Variants in ARNT2 observed in about 807,000 individuals in gnomAD.
ARNT2 encodes the protein ARNT protein 2.
A neutral mutation model predicts 91.7 loss-of-function variants in ARNT2; 36 were observed. The observed-to-expected ratio is 0.39, with a 90% confidence interval of 0.30 to 0.52. The LOEUF (loss-of-function observed/expected upper bound fraction) is 0.52. Among genes scored for constraint, ARNT2 ranks in the 20% least tolerant of loss-of-function variants. The pLI, the probability that ARNT2 is intolerant of heterozygous loss-of-function variation, is 0.72. For missense variants in ARNT2, 775 were observed against 939.3 expected (o/e 0.83, Z 2.29); for synonymous variants, 365 against 347.1 (o/e 1.05, Z -0.57).
chr15:80,572,989 T>A (rs1222565579), intron 12 of ARNT2, among the ~76,000 whole-genome samples: 2 of 152,218 alleles, frequency 1.3e-5, no homozygotes, highest in African/African-American at 4.8e-5. Context: ...TAGCTCTTAC[T>A]TCCTTCCACT....
At chr15:80,554,899 ACGGCTCC>A (rs1243751326) in intron 10 of ARNT2, 159 bp from the exon 11 acceptor site, 4 of 602,408 alleles carry the variant, frequency 6.6e-6, no homozygotes, top group Non-Finnish European at 1.2e-5. Flanking sequence ...CAGTTCTCTG[ACGGCTCC>A]CAGGGAAATT....
intron 17 of ARNT2, among the ~76,000 whole-genome samples, chr15:80,582,384 T>C (rs969421430): frequency 1.3e-5 from 2 of 150,944 alleles, no homozygotes; most frequent in Admixed American, 6.6e-5. Context: ...TAATTCCAGC[T>C]ACTCAGGAGG....
intron 3 of ARNT2, among the ~76,000 whole-genome samples, chr15:80,460,433 ACCTCAGGTG>A (rs1896535941): frequency 6.6e-6 from 1 of 152,042 alleles, no homozygotes. Flanking sequence ...CTGCTGTGTG[ACCTCAGGTG>A]CACACACAAG....
intron 5 of ARNT2, among the ~76,000 whole-genome samples, chr15:80,479,035 G>A (rs1896847660): frequency 6.6e-6 from 1 of 152,202 alleles, no homozygotes; most frequent in South Asian, 2.1e-4. Context: ...AACTAGGGCA[G>A]CCTGACCTCC....
In ARNT2 at chr15:80,588,183, A is replaced by G. The variant is rs199876537; in HGVS notation, c.1919-3385A>G. 7.9e-5 allele frequency among the ~76,000 whole-genome samples: 12 copies of G among 152,196 alleles called. No homozygotes were observed. In the East Asian group the frequency reaches 1.5e-3, roughly 20 times the overall value. ...AGCCTGTCAATACCACCAGAAGTGC[A>G]AGTTTATCATCCCTAGCTCTTCCCA... On this transcript the variant is annotated intron_variant, in intron 17 of 18. Transcript: ENST00000303329.
chr15:80,457,863 A>G (rs1896501708), intron 2 of ARNT2, 66 bp from the exon 3 acceptor site: 1 of 1,560,814 alleles, frequency 6.4e-7, no homozygotes, highest in Non-Finnish European at 8.8e-7. Context: ...TTGTTCCAGC[A>G]GCTCCTGTTA....
At chr15:80,577,109 G>C in intron 15 of ARNT2, 144 bp downstream of exon 15, 1 of 758,038 alleles carries the variant, frequency 1.3e-6, no homozygotes, top group Non-Finnish European at 2.1e-6. Flanking sequence ...GAGGATTCTG[G>C]TGGCTCTGCT....
chr15:80,574,940 T>C, intron 13 of ARNT2, 47 bp from the exon 14 acceptor site: 1 of 1,602,712 alleles, frequency 6.2e-7, no homozygotes, highest in Non-Finnish European at 8.5e-7. Flanking sequence ...GCATGTTCTG[T>C]GCCTTACGCA....
chr15:80,480,632 G>T (rs980743987), intron 5 of ARNT2, among the ~76,000 whole-genome samples: 1 of 152,126 alleles, frequency 6.6e-6, no homozygotes, highest in Non-Finnish European at 1.5e-5. Context: ...GACTCTTCCT[G>T]CATTCAGAGA....
chr15:80,413,353 C>T (rs1279525221), intron 1 of ARNT2, among the ~76,000 whole-genome samples: 1 of 152,182 alleles, frequency 6.6e-6, no homozygotes, highest in East Asian at 1.9e-4. Flanking sequence ...ATTGTCCACA[C>T]ATCCTCCTAG....
chr15:80,457,053 T>C (rs1175437741), intron 2 of ARNT2, among the ~76,000 whole-genome samples: 2 of 152,218 alleles, frequency 1.3e-5, no homozygotes, highest in Non-Finnish European at 2.9e-5. Flanking sequence ...TTTCATTTTG[T>C]TTCCCCAAGG....
intron 2 of ARNT2, among the ~76,000 whole-genome samples, chr15:80,454,894 G>A (rs1473789197): frequency 6.6e-6 from 1 of 152,198 alleles, no homozygotes; most frequent in Non-Finnish European, 1.5e-5. Flanking sequence ...CGACGGAAAA[G>A]TACAGTAAAA....
intron 3 of ARNT2, among the ~76,000 whole-genome samples, chr15:80,458,735 C>T (rs1299547877): frequency 6.6e-6 from 1 of 151,798 alleles, no homozygotes; most frequent in Non-Finnish European, 1.5e-5. Context: ...AGGCACAAAT[C>T]ATTCCATCAT....
At chr15:80,413,385 C>G (rs1895716968) in intron 1 of ARNT2, among the ~76,000 whole-genome samples, 1 of 152,236 alleles carries the variant, frequency 6.6e-6, no homozygotes. Flanking sequence ...ACACTTCCAA[C>G]CAGACCACCT....
At chr15:80,426,672 T>C (rs570219804) in intron 1 of ARNT2, among the ~76,000 whole-genome samples, 1 of 152,212 alleles carries the variant, frequency 6.6e-6, no homozygotes, top group Non-Finnish European at 1.5e-5. Flanking sequence ...TTATCTTGTT[T>C]AGAGCAACCC....
intron 10 of ARNT2, 95 bp downstream of exon 10, chr15:80,552,869 G>A: frequency 6.1e-6 from 9 of 1,472,806 alleles, no homozygotes; most frequent in African/African-American, 1.4e-5. Context: ...CAATGGCCAT[G>A]TGGAGAAACA....
At chr15:80,449,567 T>G (rs1896357198) in intron 1 of ARNT2, among the ~76,000 whole-genome samples, 2 of 152,174 alleles carry the variant, frequency 1.3e-5, no homozygotes, top group Non-Finnish European at 2.9e-5. Context: ...AAAACAAAAG[T>G]GTAATCATTC....
chr15:80,431,923 T>C (rs1482274689), intron 1 of ARNT2, among the ~76,000 whole-genome samples: 1 of 152,288 alleles, frequency 6.6e-6, no homozygotes, highest in Non-Finnish European at 1.5e-5. Flanking sequence ...AGTAGCTCTC[T>C]GAAGCAACCG....
intron 1 of ARNT2, among the ~76,000 whole-genome samples, chr15:80,437,769 C>T (rs190258491): frequency 5.3e-5 from 8 of 152,132 alleles, no homozygotes. Context: ...CACTTACCTT[C>T]GATTACATCA....
Sources: gnomAD v4.1 joint callset for allele counts (sites outside exome capture counted in the v4.1 genomes callset) on GRCh38, gnomAD v4.1.1 for gene constraint, MANE v1.5 for transcripts, NCBI Gene and HGNC (gene_info 2026-07-23, HGNC 2026-07-21) for gene names.